TP53BP2: variants seen among roughly 807,000 people sequenced by gnomAD.
The protein encoded by TP53BP2 is apoptosis-stimulating of p53 protein 2.
TP53BP2 carries 62 observed loss-of-function variants against 126.2 expected under a neutral mutation model. The ratio of observed to expected loss-of-function variants is 0.49; its 90% CI spans 0.40 to 0.61. The LOEUF (loss-of-function observed/expected upper bound fraction) is 0.61, where lower values mean the gene tolerates loss of function less well. Among genes scored for constraint, TP53BP2 ranks in the 20% least tolerant of loss-of-function variants. The pLI, the probability that TP53BP2 is intolerant of heterozygous loss-of-function variation, is 0.00. For synonymous variants in TP53BP2, 485 were observed against 502.9 expected (o/e 0.96, Z 0.48); for missense variants, 1,215 against 1,402.8 (o/e 0.87, Z 2.14).
chr1:223,837,748 T>G (rs1438390079), intron 1 of TP53BP2, among the ~76,000 whole-genome samples: 2 of 152,154 alleles, frequency 1.3e-5, no homozygotes, highest in East Asian at 3.8e-4. Flanking sequence ...AGCAACAGAG[T>G]GAGCTTTCCT....
intron 9 of TP53BP2, 93 bp from the exon 10 acceptor site, chr1:223,800,903 C>T (rs1662507506): frequency 6.1e-6 from 5 of 818,736 alleles, no homozygotes; most frequent in Non-Finnish European, 7.7e-6. Context: ...CTAAAAACAG[C>T]TTTAAATTCC....
intron 1 of TP53BP2, among the ~76,000 whole-genome samples, chr1:223,838,679 C>T (rs754903013): frequency 4.6e-5 from 7 of 152,170 alleles, no homozygotes; most frequent in Non-Finnish European, 7.3e-5. Context: ...GTTTTGCCAT[C>T]AAAGGTGATG....
chr1:223,838,266 C>T (rs2102890572), intron 1 of TP53BP2, among the ~76,000 whole-genome samples: 1 of 152,240 alleles, frequency 6.6e-6, no homozygotes, highest in East Asian at 1.9e-4. Context: ...TACAACAGTG[C>T]CTGGAATACA....
At chr1:223,797,339 T>C (rs1662358698) in intron 12 of TP53BP2, among the ~76,000 whole-genome samples, 1 of 152,198 alleles carries the variant, frequency 6.6e-6, no homozygotes, top group Non-Finnish European at 1.5e-5. Flanking sequence ...GCTAACCTTC[T>C]GTTTTTACAT....
In TP53BP2 at chr1:223,795,875, G is replaced by A. The variant is rs150724907; in HGVS notation, c.2664C>T (p.Pro888=). Residue 888 remains proline, a synonymous_variant, in exon 13 of 18, where the codon CCC becomes CCT. Transcript: ENST00000343537. ...GGCGCATGCTCACCGAGTCTTCTCC[G>A]GGCCCTTCAGGCTCCCCAGATGGGT... The part of the protein sequence containing the change: ...PPYPSGEPEG[P]GEDSVSMRPP... 368 of 1,600,204 alleles carry A rather than the reference G, an allele frequency of 2.3e-4. No individual in the cohort carries two copies. Among genetic ancestry groups the A allele is most frequent in the Non-Finnish European group, 3.0e-4 (347 of 1,174,000 alleles).
At chr1:223,827,812 A>G (rs549942049) in intron 1 of TP53BP2, among the ~76,000 whole-genome samples, 1 of 152,270 alleles carries the variant, frequency 6.6e-6, no homozygotes, top group East Asian at 1.9e-4. Context: ...AATAAGAAAA[A>G]TAATCAAAAG....
intron 14 of TP53BP2, 56 bp downstream of exon 14, chr1:223,793,247 G>A: frequency 7.5e-7 from 1 of 1,324,640 alleles, no homozygotes; most frequent in Non-Finnish European, 1.0e-6. Flanking sequence ...ACTCTAGCCT[G>A]GATGACAGAG....
intron 1 of TP53BP2, among the ~76,000 whole-genome samples, chr1:223,831,516 T>TAC (rs1663730915): frequency 7.8e-6 from 1 of 127,502 alleles, no homozygotes; most frequent in Non-Finnish European, 1.6e-5. Context: ...TATATATATA[T>TAC]ACTGACCTGT....
intron 2 of TP53BP2, among the ~76,000 whole-genome samples, 173 bp from the exon 3 acceptor site, chr1:223,814,526 CCA>C (rs750836183): frequency 6.6e-6 from 1 of 152,140 alleles, no homozygotes; most frequent in Admixed American, 6.5e-5. Flanking sequence ...CACAGATTTT[CCA>C]CACACACAGA....
In TP53BP2 at chr1:223,789,004, A is replaced by G. The variant is rs1478460951; in HGVS notation, c.3163+4T>C. The G allele has an allele frequency of 1.9e-6, 3 of 1,613,686 alleles. No individual in the cohort carries two copies. The highest frequency in any genetic ancestry group is 2.5e-6 in the Non-Finnish European group (3 of 1,179,652). On this transcript the variant is annotated splice_donor_region_variant and intron_variant, in intron 16 of 17. Transcript: ENST00000343537. ...CAATACATTTAGTTCTACTTGTCAC[A>G]TACCATAAAGAAATTGGGAGCACTG...
At position 223,802,181 on chromosome 1, in the gene TP53BP2, G is replaced by A. The variant is rs1662547474; in HGVS notation, c.1160C>T (p.Ser387Leu). 6.2e-7 allele frequency: 1 copy of A among 1,614,198 alleles called. No homozygotes were observed. The highest frequency in any genetic ancestry group is 1.3e-5 in the African/African-American group (1 of 75,046). Reference protein sequence around the residue: ...LPDGSLVIQASEGPMKIQTLP... With the variant: ...LPDGSLVIQALEGPMKIQTLP... ...TGTCTGTATTTTCATCGGCCCCTCT[G>A]AAGCCTGAATGACCAAGGAACCATC... The change falls in exon 9 of 18, where the codon TCA becomes TTA. Residue 387 changes from serine (S) to leucine (L), a missense_variant. Coordinates refer to ENST00000343537, the MANE Select transcript of TP53BP2 (RefSeq NM_001031685.3).
chr1:223,821,400 G>C, intron 1 of TP53BP2, 33 bp from the exon 2 acceptor site: 1 of 1,613,332 alleles, frequency 6.2e-7, no homozygotes. Flanking sequence ...ATGGTTACTG[G>C]TACTGTCTGC....
In TP53BP2 at chr1:223,842,425, C is replaced by A. The variant is rs148102278; in HGVS notation, c.27+3229G>T. ...CCACATGTGGCTGGTGACTGCCATG[C>A]TGGACAGCAAAGATACAGAGCATTT... is the stretch of plus-strand genomic sequence containing the variant. On this transcript the variant is annotated intron_variant, in intron 1 of 17. Coordinates refer to ENST00000343537, the MANE Select transcript of TP53BP2 (RefSeq NM_001031685.3). Among the ~76,000 whole-genome samples, 367 of 152,282 alleles carry A rather than the reference C, an allele frequency of 2.4e-3. 2 individuals carry two copies. Among genetic ancestry groups the A allele is most frequent in the Middle Eastern group, 6.8e-3 (2 of 294 alleles).
intron 1 of TP53BP2, among the ~76,000 whole-genome samples, chr1:223,830,942 A>G (rs1364645406): frequency 6.6e-6 from 1 of 151,984 alleles, no homozygotes; most frequent in South Asian, 2.1e-4. Flanking sequence ...CTAAAAATAC[A>G]AAAAAATTAG....
chr1:223,810,618 G>A, intron 3 of TP53BP2, 105 bp from the exon 4 acceptor site: 1 of 796,544 alleles, frequency 1.3e-6, no homozygotes, highest in Non-Finnish European at 1.9e-6. Flanking sequence ...ATTTTAAGTT[G>A]AATGTATTCT....
chr1:223,787,190 C>G (rs890126324), intron 16 of TP53BP2, among the ~76,000 whole-genome samples: 3 of 152,116 alleles, frequency 2.0e-5, no homozygotes, highest in African/African-American at 7.2e-5. Context: ...GCCACCACAC[C>G]CGGCCAACAC....
Position 223,792,461 on chromosome 1 carries a change from G to C in TP53BP2, c.2924C>G (p.Ala975Gly). The change falls in exon 15 of 18, where the codon GCA (alanine) becomes GGA (glycine). Residue 975 changes from alanine to glycine, a missense_variant. This residue lies in a region of TP53BP2 where 151 missense variants were observed against 231.2 expected (regional missense o/e 0.65). Transcript: ENST00000343537. ...GITALHNAVCAGHTEIVKFLV... is the reference protein window; with the variant it reads ...GITALHNAVCGGHTEIVKFLV... ...GAACTTAACGATTTCTGTGTGGCCT[G>C]CACACACAGCATTGTGAAGAGCCGT... is the stretch of plus-strand genomic sequence containing the variant. 1 of 1,613,928 alleles carries C rather than the reference G, an allele frequency of 6.2e-7. No individual in the cohort carries two copies.
At chr1:223,818,568 T>TA (rs976110486) in intron 2 of TP53BP2, among the ~76,000 whole-genome samples, 4 of 149,912 alleles carry the variant, frequency 2.7e-5, no homozygotes, top group Admixed American at 6.6e-5. Context: ...GTGTTATCAT[T>TA]AAAAAAAAAT....
At chr1:223,812,684 C>A (rs1039368828) in intron 3 of TP53BP2, among the ~76,000 whole-genome samples, 1 of 152,130 alleles carries the variant, frequency 6.6e-6, no homozygotes, top group South Asian at 2.1e-4. Flanking sequence ...CTCAGCCTCC[C>A]GAGTAGCTGG....
Sources: gnomAD v4.1 joint callset for allele counts (sites outside exome capture counted in the v4.1 genomes callset) on GRCh38, gnomAD v4.1.1 for gene constraint, gnomAD v4.1.1 regional missense constraint, MANE v1.5 for transcripts, NCBI Gene and HGNC (gene_info 2026-07-23, HGNC 2026-07-21) for gene names.